Variants in NCKAP5 observed in about 807,000 individuals in gnomAD.
The protein encoded by NCKAP5 is NCK associated protein 5.
A neutral mutation model predicts 167.0 loss-of-function variants in NCKAP5; 92 were observed. The observed-to-expected ratio is 0.55, with a 90% CI of 0.47 to 0.66. The LOEUF (loss-of-function observed/expected upper bound fraction) is 0.66. NCKAP5 is among the 30% of genes least tolerant of loss of function. NCKAP5 has a pLI of 0.00. For synonymous variants in NCKAP5, 891 were observed against 877.4 expected, an observed-to-expected ratio of 1.02 and a Z score of -0.27; for missense variants, 2,378 against 2,315.0, an observed-to-expected ratio of 1.03 and a Z score of -0.56.
At chr2:132,773,928 T>G in intron 15 of NCKAP5, 34 bp from the exon 16 acceptor site, 1 of 1,571,308 alleles carries the variant, frequency 6.4e-7, no homozygotes, top group Non-Finnish European at 8.7e-7. Flanking sequence ...AAGTTCTTAT[T>G]TGTTTTATTA....
At chr2:132,847,298 A>G (rs959745077) in intron 11 of NCKAP5, among the ~76,000 whole-genome samples, 1 of 152,246 alleles carries the variant, frequency 6.6e-6, no homozygotes, top group African/African-American at 2.4e-5. Flanking sequence ...AGTACCTTAC[A>G]TATGCTAACT....
chr2:133,638,823 G>A, the NCKAP5 span, among the ~76,000 whole-genome samples: 4 of 148,868 alleles, frequency 2.7e-5, no homozygotes, highest in Admixed American at 6.8e-5. Context: ...TCACCACTGC[G>A]CTCCAGCCTG....
At chr2:133,158,022 T>C (rs1216621999) in intron 5 of NCKAP5, among the ~76,000 whole-genome samples, 2 of 152,132 alleles carry the variant, frequency 1.3e-5, no homozygotes, top group African/African-American at 4.8e-5. Flanking sequence ...ATCATAAAAA[T>C]ATATTTCAAC....
chr2:132,876,822 T>G, intron 9 of NCKAP5, among the ~76,000 whole-genome samples: 1 of 152,234 alleles, frequency 6.6e-6, no homozygotes, highest in East Asian at 1.9e-4. Context: ...CTTATATTTT[T>G]GTCCCACACA....
intron 5 of NCKAP5, among the ~76,000 whole-genome samples, chr2:133,192,272 C>T (rs902899226): frequency 1.3e-5 from 2 of 152,078 alleles, no homozygotes; most frequent in South Asian, 4.1e-4. Context: ...AAGTCTTATA[C>T]CAAATGTATC....
chr2:132,797,149 T>C (rs1018919999), intron 11 of NCKAP5, among the ~76,000 whole-genome samples: 3 of 152,234 alleles, frequency 2.0e-5, no homozygotes, highest in Admixed American at 1.3e-4. Context: ...CAGATAATTA[T>C]AAAAGTGACC....
At chr2:133,641,457 T>A in the NCKAP5 span, among the ~76,000 whole-genome samples, 1 of 152,238 alleles carries the variant, frequency 6.6e-6, no homozygotes, top group Admixed American at 6.5e-5. Flanking sequence ...AAATCCTAGC[T>A]CACTGTAGGA....
the NCKAP5 span, among the ~76,000 whole-genome samples, chr2:133,665,589 G>A: frequency 6.6e-6 from 1 of 152,166 alleles, no homozygotes; most frequent in Non-Finnish European, 1.5e-5. Context: ...TAATTTAAAA[G>A]TCTGAAATAT....
chr2:132,825,198 G>A (rs1028701962), intron 11 of NCKAP5, among the ~76,000 whole-genome samples: 12 of 152,136 alleles, frequency 7.9e-5, no homozygotes, highest in Admixed American at 4.6e-4. Context: ...ACAGGACACC[G>A]ACAAATAATC....
chr2:132,837,224 T>C (rs1013284588), intron 11 of NCKAP5, among the ~76,000 whole-genome samples: 14 of 152,184 alleles, frequency 9.2e-5, no homozygotes, highest in Non-Finnish European at 1.8e-4. Context: ...AGCTTCATAA[T>C]ATACCTGCTG....
At chr2:133,652,253 GA>G in the NCKAP5 span, among the ~76,000 whole-genome samples, 5 of 152,224 alleles carry the variant, frequency 3.3e-5, no homozygotes, top group African/African-American at 7.2e-5. Flanking sequence ...ATTTAATAGG[GA>G]AAAAATATGT....
rs143904060 is a variant in NCKAP5, at chr2:133,517,084, G to A, written c.69+374C>T. ...GCTCTTCAATATTTGAACCTGTATTGAATTCTTGTTCAACTTACCCCCAAG... is the reference window on the plus strand; with the variant it reads ...GCTCTTCAATATTTGAACCTGTATTAAATTCTTGTTCAACTTACCCCCAAG... On this transcript the variant is annotated intron_variant, in intron 3 of 19. Transcript: ENST00000409261. Among the ~76,000 whole-genome samples, 248 of 152,276 alleles carry A rather than the reference G, an allele frequency of 1.6e-3. 1 individual carries two copies. Among genetic ancestry groups the A allele is most frequent in the African/African-American group, 5.6e-3 (234 of 41,560 alleles).
intron 2 of NCKAP5, among the ~76,000 whole-genome samples, chr2:133,528,246 A>G (rs867619884): frequency 1.1e-4 from 17 of 152,200 alleles, no homozygotes; most frequent in Middle Eastern, 3.4e-3. Flanking sequence ...ATACACACAC[A>G]TATAGTCATT....
chr2:133,216,032 T>C (rs954883939), intron 4 of NCKAP5, among the ~76,000 whole-genome samples: 4 of 152,062 alleles, frequency 2.6e-5, no homozygotes, highest in Non-Finnish European at 5.9e-5. Flanking sequence ...AATTAAAACA[T>C]TTAGCAAAAG....
Position 132,765,206 on chromosome 2 carries a change from C to T in NCKAP5, c.5128+8610G>A, listed in dbSNP as rs182095553. 1.4e-4 allele frequency among the ~76,000 whole-genome samples: 21 copies of T among 151,958 alleles called. No homozygotes were observed. In the East Asian group the frequency reaches 3.7e-3, roughly 27 times the overall value. ...GGTTAACTGCACATAGAGCAGTGATCGTTCAAATTATGCAAAATAGGAACT... is the reference window on the plus strand; with the variant it reads ...GGTTAACTGCACATAGAGCAGTGATTGTTCAAATTATGCAAAATAGGAACT... On this transcript the variant is annotated intron_variant, in intron 16 of 19. Transcript: ENST00000409261.
chr2:133,594,571 C>A, the NCKAP5 span, among the ~76,000 whole-genome samples: 2 of 152,102 alleles, frequency 1.3e-5, no homozygotes, highest in Non-Finnish European at 2.9e-5. Context: ...ACCAGGAGGT[C>A]CCACTTAAAA....
chr2:133,493,491 G>T (rs988947609), intron 3 of NCKAP5, among the ~76,000 whole-genome samples: 2 of 152,164 alleles, frequency 1.3e-5, no homozygotes, highest in Non-Finnish European at 2.9e-5. Flanking sequence ...CAATCTGTAG[G>T]TACCACGGGA....
At chr2:133,265,501 C>T (rs747960137) in intron 4 of NCKAP5, among the ~76,000 whole-genome samples, 7 of 152,218 alleles carry the variant, frequency 4.6e-5, no homozygotes, top group Admixed American at 1.3e-4. Flanking sequence ...CGCTCTGTTC[C>T]AGAAAATATC....
At chr2:133,509,770 T>C (rs1255752415) in intron 3 of NCKAP5, among the ~76,000 whole-genome samples, 3 of 152,114 alleles carry the variant, frequency 2.0e-5, no homozygotes, top group Non-Finnish European at 2.9e-5. Flanking sequence ...CGTCCTACAA[T>C]ACACAGGACA....
Sources: gnomAD v4.1 joint callset for allele counts (sites outside exome capture counted in the v4.1 genomes callset) on GRCh38, gnomAD v4.1.1 for gene constraint, MANE v1.5 for transcripts, NCBI Gene and HGNC (gene_info 2026-07-23, HGNC 2026-07-21) for gene names.